Variants in FHDC1 observed in about 807,000 individuals in gnomAD.
FHDC1 encodes FH2 domain containing 1.
Under a neutral mutation model 52.6 loss-of-function variants are expected in FHDC1, and 25 were observed. The observed-to-expected ratio is 0.48, with a 90% CI of 0.35 to 0.66. FHDC1 has a LOEUF of 0.66. Ranked by LOEUF, FHDC1 falls within the 30% of genes least tolerant of loss-of-function variation. The pLI is 0.01. For missense variants in FHDC1, 1,459 were observed against 1,452.8 expected, an observed-to-expected ratio of 1.00 and a Z score of -0.07; for synonymous variants, 616 against 581.5, an observed-to-expected ratio of 1.06 and a Z score of -0.85.
chr4:152,976,019 A>G lies in FHDC1; in HGVS notation c.2728A>G (p.Lys910Glu). The change falls in exon 12 of 12, where the codon AAG becomes GAG. Residue 910 changes from lysine to glutamate, a missense_variant. Physicochemically the swap from Lys to Glu is moderately conservative, Grantham distance 56. This residue lies in a region of FHDC1 where 939 missense variants were observed against 854.5 expected (regional missense o/e 1.10). Transcript: ENST00000511601. The stretch of plus-strand genomic sequence containing the variant: ...CATGCGCAAGGTCATGCCCATCACC[A>G]AGTCCAGCAGAGGCGCCGGCTGGAG... ...ESMRKVMPITKSSRGAGWRRP... is the reference protein window; with the variant it reads ...ESMRKVMPITESSRGAGWRRP... 3.2e-6 allele frequency: 5 copies of G among 1,551,810 alleles called. No homozygotes were observed. Among genetic ancestry groups the G allele is most frequent in the Non-Finnish European group, 4.3e-6 (5 of 1,153,294 alleles).
In FHDC1 at chr4:152,965,129, C is replaced by T. The variant is rs115490821; in HGVS notation, c.1100+154C>T. 8.9e-4 allele frequency among the ~76,000 whole-genome samples: 135 copies of T among 152,286 alleles called. 1 individual carries two copies. The highest frequency in any genetic ancestry group is 3.2e-3 in the African/African-American group (133 of 41,566). On this transcript the variant is annotated intron_variant, in intron 9 of 11. Transcript: ENST00000511601. The stretch of plus-strand genomic sequence containing the variant: ...CATTTGCTTAACACAGGTGTGTGTG[C>T]ACCTTTGGAATTTGGGGGTTTTGAA...
the FHDC1 span, among the ~76,000 whole-genome samples, chr4:152,925,464 A>C: frequency 2.0e-5 from 3 of 152,228 alleles, no homozygotes; most frequent in African/African-American, 7.2e-5. Flanking sequence ...AAAATCAGAT[A>C]GCTAAATTTA....
At chr4:152,949,103 T>TAAG (rs1739825683) in intron 2 of FHDC1, among the ~76,000 whole-genome samples, 1 of 61,018 alleles carries the variant, frequency 1.6e-5, no homozygotes, top group South Asian at 6.8e-4. Context: ...ATAATAATAA[T>TAAG]AATAATAATA....
chr4:152,944,801 C>T (rs1579082933), intron 2 of FHDC1, among the ~76,000 whole-genome samples: 1 of 152,256 alleles, frequency 6.6e-6, no homozygotes, highest in Non-Finnish European at 1.5e-5. Context: ...ACAGGCTTGC[C>T]TGTCTCTTCC....
chr4:152,940,122 A>G (rs1311048519), intron 1 of FHDC1, among the ~76,000 whole-genome samples: 1 of 152,240 alleles, frequency 6.6e-6, no homozygotes, highest in Non-Finnish European at 1.5e-5. Flanking sequence ...GGAAAGGGTT[A>G]GAATTCTGTC....
intron 1 of FHDC1, among the ~76,000 whole-genome samples, chr4:152,937,228 G>A (rs1274778926): frequency 6.6e-6 from 1 of 152,176 alleles, no homozygotes; most frequent in East Asian, 1.9e-4. Flanking sequence ...CCGCGCCTGC[G>A]ACCTGGATGG....
chr4:152,950,670 C>T (rs890679723), intron 2 of FHDC1, among the ~76,000 whole-genome samples: 4 of 152,212 alleles, frequency 2.6e-5, no homozygotes, highest in Non-Finnish European at 5.9e-5. Flanking sequence ...ACATGATTCC[C>T]ATCTGTCATC....
chr4:152,918,712 T>C, the FHDC1 span, among the ~76,000 whole-genome samples: 1 of 152,246 alleles, frequency 6.6e-6, no homozygotes, highest in Non-Finnish European at 1.5e-5. Flanking sequence ...GGGTGGAGCA[T>C]CAGCATGTCT....
the FHDC1 span, chr4:152,927,525 G>A: frequency 1.6e-6 from 2 of 1,220,484 alleles, no homozygotes; most frequent in African/African-American, 1.5e-5. Flanking sequence ...TGGTGCAAAA[G>A]GAGGCAAGAA....
the FHDC1 span, among the ~76,000 whole-genome samples, chr4:152,930,717 A>G: frequency 2.0e-5 from 3 of 152,140 alleles, no homozygotes; most frequent in Non-Finnish European, 4.4e-5. Flanking sequence ...GAGAAATATT[A>G]AGATTCTGAT....
At chr4:152,927,013 G>C in the FHDC1 span, among the ~76,000 whole-genome samples, 1 of 152,208 alleles carries the variant, frequency 6.6e-6, no homozygotes, top group African/African-American at 2.4e-5. Context: ...GCTGAAGACT[G>C]CTCTCTACCA....
At chr4:152,964,477 C>T (rs983656541) in intron 8 of FHDC1, among the ~76,000 whole-genome samples, 4 of 152,146 alleles carry the variant, frequency 2.6e-5, no homozygotes, top group Non-Finnish European at 5.9e-5. Context: ...CTCTCACCTC[C>T]TGAACAGGTG....
At position 152,953,563 on chromosome 4, in the gene FHDC1, A is replaced by G; in HGVS notation, c.560+3A>G. On this transcript the variant is annotated splice_donor_region_variant and intron_variant, in intron 3 of 11. Coordinates refer to ENST00000511601, the MANE Select transcript of FHDC1 (RefSeq NM_001371116.1). ...ATATTTCTTAAGCAATTTAAGAAGT[A>G]AGATTTTGCACACATTTGAAACTTT... 2 of 1,610,464 alleles carry G rather than the reference A, an allele frequency of 1.2e-6. No individual in the cohort carries two copies. Among genetic ancestry groups the G allele is most frequent in the Non-Finnish European group, 1.7e-6 (2 of 1,179,324 alleles).
At chr4:152,915,116 A>C in the FHDC1 span, among the ~76,000 whole-genome samples, 1 of 152,218 alleles carries the variant, frequency 6.6e-6, no homozygotes, top group Non-Finnish European at 1.5e-5. Flanking sequence ...GGCTTTAGGC[A>C]GATAATTATT....
chr4:152,949,106 TAATAATAATAATAATAATAAGAAGAAG>T (rs1392940843), intron 2 of FHDC1, among the ~76,000 whole-genome samples: 15 of 69,734 alleles, frequency 2.2e-4, no homozygotes, highest in South Asian at 1.3e-3. Context: ...ATAATAATAA[TAATAATAATAATAATAATAAGAAGAAG>T]AAGAAGAAGA....
In FHDC1 at chr4:152,943,554, A is replaced by C. The variant is rs1258748109; in HGVS notation, c.497A>C (p.Glu166Ala). 5 of 1,609,672 alleles carry C rather than the reference A, an allele frequency of 3.1e-6. No individual in the cohort carries two copies. The highest frequency in any genetic ancestry group is 4.2e-6 in the Non-Finnish European group (5 of 1,177,784). Reference protein sequence around the residue: ...LNSSFREAREEITILDAKRSM... With the variant: ...LNSSFREAREAITILDAKRSM... ...TCATCCTTCAGAGAAGCTCGAGAAGAGGTAAGAATGCAAGGTGGAGGGCTA... is the reference window on the plus strand; with the variant it reads ...TCATCCTTCAGAGAAGCTCGAGAAGCGGTAAGAATGCAAGGTGGAGGGCTA... The change falls in exon 2 of 12, where the codon GAG (glutamate) becomes GCG (alanine). Residue 166 changes from glutamate to alanine, a missense_variant and splice_region_variant. Physicochemically the swap from Glu to Ala is moderately radical, Grantham distance 107. Transcript: ENST00000511601.
the FHDC1 span, among the ~76,000 whole-genome samples, chr4:152,930,244 ACTT>A: frequency 6.6e-6 from 1 of 152,250 alleles, no homozygotes; most frequent in Non-Finnish European, 1.5e-5. Context: ...TTAAGTGTAA[ACTT>A]CTTTGCTCTT....
the FHDC1 span, among the ~76,000 whole-genome samples, chr4:152,930,851 G>A: frequency 6.6e-6 from 1 of 151,992 alleles, no homozygotes. Flanking sequence ...GATTTCCAAG[G>A]GGAGCAGAAA....
chr4:152,944,151 G>C (rs1739657955), intron 2 of FHDC1, among the ~76,000 whole-genome samples: 1 of 152,086 alleles, frequency 6.6e-6, no homozygotes, highest in South Asian at 2.1e-4. Flanking sequence ...AGATTGTGTA[G>C]GAAGGATGTT....
Sources: gnomAD v4.1 joint callset for allele counts (sites outside exome capture counted in the v4.1 genomes callset) on GRCh38, gnomAD v4.1.1 for gene constraint, gnomAD v4.1.1 regional missense constraint, MANE v1.5 for transcripts, NCBI Gene and HGNC (gene_info 2026-07-23, HGNC 2026-07-21) for gene names.